ATXN1: variants seen among roughly 807,000 people sequenced by gnomAD.
ATXN1 encodes the protein ataxin 1, also known as ataxin-1.
A neutral mutation model predicts 56.4 loss-of-function variants in ATXN1; 8 were observed. The ratio of observed to expected loss-of-function variants is 0.14; its 90% CI spans 0.08 to 0.26. ATXN1 has a LOEUF of 0.26. Ranked by LOEUF, ATXN1 falls within the 10% of genes least tolerant of loss-of-function variation. The probability of loss-of-function intolerance (pLI) is 1.00; values close to 1 mark genes in which losing one functional copy is unlikely to be tolerated. For missense variants in ATXN1, 987 were observed against 1,106.5 expected, an observed-to-expected ratio of 0.89 and a Z score of 1.53; for synonymous variants, 514 against 494.6, an observed-to-expected ratio of 1.04 and a Z score of -0.52.
At chr6:16,356,808 T>A (rs1178874868) in intron 6 of ATXN1, among the ~76,000 whole-genome samples, 2 of 152,200 alleles carry the variant, frequency 1.3e-5, no homozygotes, top group Admixed American at 6.5e-5. Context: ...AGCAAACTAA[T>A]TTTCAAATTA....
chr6:16,475,513 C>G (rs562502230), intron 6 of ATXN1, among the ~76,000 whole-genome samples: 105 of 152,316 alleles, frequency 6.9e-4, no homozygotes, highest in Non-Finnish European at 1.3e-3. Flanking sequence ...ACTCTCTTAA[C>G]AGGTCATCAG....
At chr6:16,395,323 C>T (rs1281235683) in intron 6 of ATXN1, among the ~76,000 whole-genome samples, 6 of 150,094 alleles carry the variant, frequency 4.0e-5, no homozygotes, top group Non-Finnish European at 5.9e-5. Flanking sequence ...ATCATCATCC[C>T]TCATTTTACT....
intron 3 of ATXN1, among the ~76,000 whole-genome samples, chr6:16,616,603 A>G (rs185191083): frequency 1.9e-3 from 280 of 145,814 alleles, no homozygotes; most frequent in African/African-American, 6.6e-3. Context: ...ATTATATACT[A>G]TATATAAAAT....
chr6:16,585,278 G>A (rs1053810926), intron 4 of ATXN1, among the ~76,000 whole-genome samples: 1 of 151,884 alleles, frequency 6.6e-6, no homozygotes, highest in Non-Finnish European at 1.5e-5. Context: ...AATTAGAAAC[G>A]GCTAACTGTC....
At chr6:16,372,873 A>C (rs1273000684) in intron 6 of ATXN1, among the ~76,000 whole-genome samples, 5 of 152,196 alleles carry the variant, frequency 3.3e-5, no homozygotes, top group Non-Finnish European at 7.3e-5. Flanking sequence ...CTGTGATTGC[A>C]CACTGCACTC....
intron 3 of ATXN1, among the ~76,000 whole-genome samples, chr6:16,607,332 A>G (rs191824144): frequency 6.6e-6 from 1 of 152,366 alleles, no homozygotes; most frequent in African/African-American, 2.4e-5. Context: ...AAGTTCTGCA[A>G]TTATGTGCAT....
intron 4 of ATXN1, among the ~76,000 whole-genome samples, chr6:16,578,161 C>T (rs777955055): frequency 5.9e-5 from 9 of 152,158 alleles, no homozygotes; most frequent in Admixed American, 2.6e-4. Flanking sequence ...ACTCTTTAAT[C>T]TCTAAATTTT....
intron 2 of ATXN1, among the ~76,000 whole-genome samples, chr6:16,662,970 T>G (rs1462907163): frequency 5.9e-5 from 1 of 16,924 alleles, no homozygotes; most frequent in African/African-American, 9.6e-4. Flanking sequence ...TCTGTTTGGA[T>G]TTTTTTTTTT....
At chr6:16,568,274 AAG>A (rs1405233385) in intron 4 of ATXN1, among the ~76,000 whole-genome samples, 1 of 152,116 alleles carries the variant, frequency 6.6e-6, no homozygotes, top group Non-Finnish European at 1.5e-5. Context: ...TCCAAACATA[AAG>A]AGAGTATTAA....
intron 2 of ATXN1, among the ~76,000 whole-genome samples, chr6:16,673,452 C>G (rs1479713216): frequency 6.6e-6 from 1 of 152,148 alleles, no homozygotes; most frequent in Non-Finnish European, 1.5e-5. Context: ...CCCACTCACG[C>G]CTGCAGCTTA....
At chr6:16,603,721 A>G (rs1254125205) in intron 3 of ATXN1, among the ~76,000 whole-genome samples, 1 of 152,220 alleles carries the variant, frequency 6.6e-6, no homozygotes, top group Non-Finnish European at 1.5e-5. Flanking sequence ...TCACCAGAAC[A>G]GGCAGGAGGA....
intron 6 of ATXN1, among the ~76,000 whole-genome samples, chr6:16,477,174 G>A (rs1182798009): frequency 6.6e-6 from 1 of 152,098 alleles, no homozygotes; most frequent in Non-Finnish European, 1.5e-5. Context: ...GCATCTCCAG[G>A]GCCACACAGA....
chr6:16,754,708 G>C (rs568636059), intron 1 of ATXN1: 28 of 152,290 alleles, frequency 1.8e-4, no homozygotes, highest in African/African-American at 6.0e-4. Context: ...ATATGCAAAA[G>C]AAGGAATTCT....
chr6:16,651,350 C>G (rs1182992068), intron 3 of ATXN1, among the ~76,000 whole-genome samples: 3 of 152,152 alleles, frequency 2.0e-5, no homozygotes, highest in Non-Finnish European at 4.4e-5. Flanking sequence ...TGAGACCAAC[C>G]TGACCAACAT....
chr6:16,316,865 CTTTTTTTTTTTTT>C (rs375359789), intron 7 of ATXN1, among the ~76,000 whole-genome samples: 3 of 99,458 alleles, frequency 3.0e-5, no homozygotes, highest in African/African-American at 1.0e-4. Context: ...GACTGCCTGT[CTTTTTTTTTTTTT>C]TTTTTTTTTT....
At chr6:16,333,304 A>G (rs1761033595) in intron 6 of ATXN1, among the ~76,000 whole-genome samples, 2 of 152,218 alleles carry the variant, frequency 1.3e-5, no homozygotes, top group Non-Finnish European at 2.9e-5. Context: ...GAAATTTAAC[A>G]AAGGAAGCTC....
chr6:16,383,364 T>C (rs1307201407), intron 6 of ATXN1, among the ~76,000 whole-genome samples: 1 of 152,212 alleles, frequency 6.6e-6, no homozygotes, highest in Non-Finnish European at 1.5e-5. Context: ...GCTATAATAT[T>C]AAATGTAGTT....
intron 3 of ATXN1, among the ~76,000 whole-genome samples, chr6:16,654,206 C>T (rs1758141788): frequency 1.3e-5 from 2 of 152,202 alleles, no homozygotes; most frequent in Middle Eastern, 3.4e-3. Context: ...CACAGCAGTA[C>T]ATTCTGTAAG....
chr6:16,689,047 C>G lies in ATXN1; in HGVS notation c.-614-31146G>C, dbSNP rs113154128. ...ATATGCAGATGTGTATATGTGTACT[C>G]TGTGTGTGTGTATGTGTGTGTGTGT... On this transcript the variant is annotated intron_variant, in intron 2 of 7. Coordinates refer to ENST00000436367, the MANE Select transcript of ATXN1 (RefSeq NM_001128164.2). Among the ~76,000 whole-genome samples, 362 of 151,554 alleles carry G rather than the reference C, an allele frequency of 2.4e-3. 1 individual carries two copies. The highest frequency in any genetic ancestry group is 8.4e-3 in the African/African-American group (345 of 41,218).
Sources: allele counts gnomAD v4.1 joint callset (sites outside exome capture counted in the v4.1 genomes callset), GRCh38; gene constraint gnomAD v4.1.1; transcripts MANE v1.5; gene names NCBI Gene and HGNC (gene_info 2026-07-23, HGNC 2026-07-21).